PPP2R2C: variants seen among roughly 807,000 people sequenced by gnomAD.
PPP2R2C encodes the protein protein phosphatase 2, regulatory subunit B, gamma.
In PPP2R2C, 10 loss-of-function variants were observed where a neutral mutation model predicts 45.3. That is an observed-to-expected ratio of 0.22 (90% CI 0.14 to 0.37). The LOEUF is 0.37. Ranked by LOEUF, PPP2R2C falls within the 10% of genes least tolerant of loss-of-function variation. The pLI, the probability that PPP2R2C is intolerant of heterozygous loss-of-function variation, is 1.00. For missense variants in PPP2R2C, 308 were observed against 619.7 expected (o/e 0.50, Z 5.34); for synonymous variants, 257 against 245.4 (o/e 1.05, Z -0.44).
chr4:6,327,260 G>A (rs1367124683), intron 8 of PPP2R2C, among the ~76,000 whole-genome samples: 1 of 152,250 alleles, frequency 6.6e-6, no homozygotes, highest in East Asian at 1.9e-4. Flanking sequence ...GCAGAGCAGA[G>A]CCAGCTGTGG....
intron 2 of PPP2R2C, among the ~76,000 whole-genome samples, chr4:6,515,055 C>A (rs1560597015): frequency 6.6e-6 from 1 of 152,068 alleles, no homozygotes; most frequent in Non-Finnish European, 1.5e-5. Context: ...TCTGCAAAGA[C>A]CCAACTTCCA....
intron 5 of PPP2R2C, among the ~76,000 whole-genome samples, chr4:6,360,355 G>C (rs982549924): frequency 6.6e-6 from 1 of 152,256 alleles, no homozygotes; most frequent in African/African-American, 2.4e-5. Flanking sequence ...AGGCTGGCTG[G>C]ACTGGCTTGT....
At chr4:6,365,036 C>CA (rs983816008) in intron 5 of PPP2R2C, among the ~76,000 whole-genome samples, 1 of 152,146 alleles carries the variant, frequency 6.6e-6, no homozygotes, top group South Asian at 2.1e-4. Context: ...AACTGAAAAA[C>CA]AAAAAAGTCC....
intron 4 of PPP2R2C, among the ~76,000 whole-genome samples, 179 bp downstream of exon 4, chr4:6,375,640 A>G (rs538178827): frequency 3.9e-5 from 6 of 152,338 alleles, no homozygotes; most frequent in African/African-American, 1.4e-4. Context: ...GGTCATCTGT[A>G]TGCTGCTGGT....
intron 1 of PPP2R2C, among the ~76,000 whole-genome samples, chr4:6,543,899 T>C (rs1472094254): frequency 6.6e-6 from 1 of 152,164 alleles, no homozygotes; most frequent in Non-Finnish European, 1.5e-5. Flanking sequence ...CTGCTCTCCG[T>C]AACACCCATG....
At chr4:6,491,296 T>C (rs1722691736) in intron 2 of PPP2R2C, among the ~76,000 whole-genome samples, 1 of 152,186 alleles carries the variant, frequency 6.6e-6, no homozygotes, top group Non-Finnish European at 1.5e-5. Context: ...TCTCTGTGCC[T>C]CCTGCATGAT....
intron 5 of PPP2R2C, among the ~76,000 whole-genome samples, chr4:6,372,174 A>C (rs1442785949): frequency 2.0e-5 from 3 of 152,210 alleles, no homozygotes; most frequent in Non-Finnish European, 2.9e-5. Flanking sequence ...AGGCGCCTTC[A>C]GTGGACGCTG....
At chr4:6,512,524 GTGGTGA>G (rs1723673863) in intron 2 of PPP2R2C, among the ~76,000 whole-genome samples, 2 of 105,186 alleles carry the variant, frequency 1.9e-5, no homozygotes, top group Non-Finnish European at 3.9e-5. Flanking sequence ...GGTGGTGGTG[GTGGTGA>G]TGGTGATGGT....
chr4:6,520,090 G>A (rs565222572), intron 2 of PPP2R2C, among the ~76,000 whole-genome samples: 1 of 152,284 alleles, frequency 6.6e-6, no homozygotes, highest in South Asian at 2.1e-4. Flanking sequence ...AGGCAGAGAG[G>A]GACAGGATCA....
At chr4:6,495,566 G>C (rs1722855122) in intron 2 of PPP2R2C, among the ~76,000 whole-genome samples, 2 of 152,238 alleles carry the variant, frequency 1.3e-5, no homozygotes, top group Admixed American at 1.3e-4. Context: ...TTCATCCCAT[G>C]CTCTGGCAGT....
chr4:6,376,568 C>T (rs1250918542), intron 3 of PPP2R2C, among the ~76,000 whole-genome samples: 2 of 152,046 alleles, frequency 1.3e-5, no homozygotes, highest in Admixed American at 6.5e-5. Flanking sequence ...ATCCTTCAAT[C>T]TCAGCCTCCT....
intron 2 of PPP2R2C, among the ~76,000 whole-genome samples, chr4:6,530,530 T>C (rs1465023753): frequency 6.9e-6 from 1 of 145,676 alleles, no homozygotes; most frequent in African/African-American, 2.4e-5. Context: ...GTGGCTGTGG[T>C]CGCTGGACTG....
intron 6 of PPP2R2C, among the ~76,000 whole-genome samples, 200 bp downstream of exon 6, chr4:6,347,646 G>A (rs1712116994): frequency 1.3e-5 from 2 of 152,126 alleles, no homozygotes; most frequent in South Asian, 4.1e-4. Context: ...GCTGTGCAGG[G>A]ACTCTGGGGG....
At chr4:6,555,004 G>GA (rs1560620591) in intron 1 of PPP2R2C, among the ~76,000 whole-genome samples, 1 of 151,928 alleles carries the variant, frequency 6.6e-6, no homozygotes, top group Non-Finnish European at 1.5e-5. Context: ...GAAGAGAAAA[G>GA]AAAAGAAAAA....
intron 1 of PPP2R2C, among the ~76,000 whole-genome samples, chr4:6,536,213 T>C (rs1724607647): frequency 6.6e-6 from 1 of 152,238 alleles, no homozygotes; most frequent in Non-Finnish European, 1.5e-5. Flanking sequence ...GAAACATTGC[T>C]GTTTCAGGGG....
intron 3 of PPP2R2C, among the ~76,000 whole-genome samples, chr4:6,376,587 G>GGGACTACAGGCTCTC (rs1715320943): frequency 6.6e-6 from 1 of 151,998 alleles, no homozygotes; most frequent in South Asian, 2.1e-4. Flanking sequence ...CTGAGTAGCT[G>GGGACTACAGGCTCTC]GGACTACAGG....
rs998536831 is a variant in PPP2R2C at position 6,345,354 on chromosome 4, G to C, written c.790+2492C>G. Among the ~76,000 whole-genome samples, 1 of 152,204 alleles carries C rather than the reference G, an allele frequency of 6.6e-6. No individual in the cohort carries two copies. The highest frequency in any genetic ancestry group is 2.4e-5 in the African/African-American group (1 of 41,452). The stretch of plus-strand genomic sequence containing the variant: ...GTAGTAGGCGGTGGAACGGCCCCCA[G>C]AGACGGCTGCGTCCTGATCCCTAGC... On this transcript the variant is annotated intron_variant, in intron 6 of 8. Coordinates refer to ENST00000382599, the MANE Select transcript of PPP2R2C (RefSeq NM_020416.4). The surrounding 1 kb of genome is among the most constrained non-coding windows in gnomAD (Gnocchi z 5.3).
chr4:6,378,512 C>T lies in PPP2R2C; in HGVS notation c.229G>A (p.Glu77Lys), dbSNP rs1343939204. ...CTCTTGAGATAGTCAAACTCCGGCT[C>T]GTGGCTCTGGAAAGTGCTGTACACG... The part of the protein sequence containing the change: ...YDVYSTFQSH[E>K]PEFDYLKSLE... Residue 77 changes from glutamate (E) to lysine (K), a missense_variant, in exon 3 of 9, where the codon GAG (glutamate) becomes AAG (lysine). Transcript: ENST00000382599. This position sits in a 1 kb window ranked among gnomAD's most constrained non-coding sequence, Gnocchi z 5.2. 2 of 1,613,994 alleles carry T rather than the reference C, an allele frequency of 1.2e-6. No individual in the cohort carries two copies. Among genetic ancestry groups the T allele is most frequent in the African/African-American group, 1.3e-5 (1 of 74,896 alleles).
chr4:6,445,497 C>T (rs1169789431), intron 1 of PPP2R2C, among the ~76,000 whole-genome samples: 1 of 152,264 alleles, frequency 6.6e-6, no homozygotes, highest in Non-Finnish European at 1.5e-5. Context: ...TCATCTCACA[C>T]AAAGGCACAG....
Sources: gnomAD v4.1 joint callset for allele counts (sites outside exome capture counted in the v4.1 genomes callset) on GRCh38, gnomAD v4.1.1 for gene constraint, Gnocchi (gnomAD v3.1) non-coding constraint, MANE v1.5 for transcripts, NCBI Gene and HGNC (gene_info 2026-07-23, HGNC 2026-07-21) for gene names.